Variants in UQCC6 observed in about 807,000 individuals in gnomAD.
UQCC6 encodes ubiquinol-cytochrome c reductase complex assembly factor 6.
the UQCC6 span, chr12:103,954,892 C>G: frequency 1.4e-6 from 1 of 697,346 alleles, no homozygotes. Context: ...AAAGCTTGGG[C>G]TTCAGATCCT....
chr12:103,962,056 C>T, the UQCC6 span, among the ~76,000 whole-genome samples: 1 of 152,258 alleles, frequency 6.6e-6, no homozygotes, highest in Non-Finnish European at 1.5e-5. Context: ...AACATTGTCA[C>T]AATGAAAAAA....
At chr12:103,952,394 T>C in the UQCC6 span, among the ~76,000 whole-genome samples, 12 of 152,372 alleles carry the variant, frequency 7.9e-5, no homozygotes, top group African/African-American at 2.2e-4. Flanking sequence ...TAATGCTCCA[T>C]TGTATGGATA....
At chr12:103,953,018 G>T in the UQCC6 span, among the ~76,000 whole-genome samples, 1 of 152,168 alleles carries the variant, frequency 6.6e-6, no homozygotes, top group East Asian at 1.9e-4. Flanking sequence ...AAGGGAGTGG[G>T]GAGATAAAGT....
At chr12:103,953,401 C>T in the UQCC6 span, 1 of 702,108 alleles carries the variant, frequency 1.4e-6, no homozygotes, top group African/African-American at 1.7e-5. Flanking sequence ...CTGAGCTGGA[C>T]AACTAAAAGC....
chr12:103,964,903 T>C, the UQCC6 span, among the ~76,000 whole-genome samples: 1 of 152,230 alleles, frequency 6.6e-6, no homozygotes, highest in Admixed American at 6.5e-5. Context: ...AATCTTTCTG[T>C]ATTTACTCAC....
the UQCC6 span, among the ~76,000 whole-genome samples, chr12:103,959,123 C>T: frequency 6.6e-6 from 1 of 152,200 alleles, no homozygotes; most frequent in Non-Finnish European, 1.5e-5. Context: ...CTCTGCCATA[C>T]AAATGAAATC....
the UQCC6 span, among the ~76,000 whole-genome samples, chr12:103,963,666 C>A: frequency 6.6e-6 from 1 of 152,140 alleles, no homozygotes; most frequent in East Asian, 1.9e-4. Flanking sequence ...AGAAATCTTG[C>A]GTCTTTTGTC....
chr12:103,959,684 C>G, the UQCC6 span, among the ~76,000 whole-genome samples: 111 of 151,746 alleles, frequency 7.3e-4, 3 homozygotes, highest in South Asian at 0.023. Context: ...TGTACTCCAG[C>G]CTGGGTGACA....
the UQCC6 span, among the ~76,000 whole-genome samples, chr12:103,960,285 G>A: frequency 7.2e-5 from 11 of 151,946 alleles, no homozygotes; most frequent in Non-Finnish European, 5.9e-5. Context: ...GTTGGCCAGG[G>A]TGGTCTCAGA....
At chr12:103,956,898 G>C in the UQCC6 span, 4 of 590,380 alleles carry the variant, frequency 6.8e-6, no homozygotes, top group South Asian at 4.1e-5. Context: ...CCCACGCCTC[G>C]GTTTCCTCCT....
the UQCC6 span, chr12:103,956,391 A>G: frequency 2.5e-6 from 1 of 401,406 alleles, no homozygotes; most frequent in East Asian, 4.2e-5. Flanking sequence ...CAGCGGCCAG[A>G]CTGTGTAAGA....
the UQCC6 span, chr12:103,951,638 A>AC: frequency 2.0e-6 from 3 of 1,489,572 alleles, no homozygotes; most frequent in African/African-American, 2.8e-5. Flanking sequence ...TGTCTGCAAA[A>AC]AAAACAAAAC....
the UQCC6 span, among the ~76,000 whole-genome samples, chr12:103,963,246 G>GTA: frequency 6.6e-6 from 1 of 151,932 alleles, no homozygotes; most frequent in African/African-American, 2.4e-5. Context: ...GCTAATTTTT[G>GTA]TAGTTTTTTA....
chr12:103,963,862 C>A, the UQCC6 span, among the ~76,000 whole-genome samples: 4 of 152,186 alleles, frequency 2.6e-5, no homozygotes, highest in South Asian at 8.3e-4. Flanking sequence ...TCTACATAAA[C>A]CAGCACCAGA....
At chr12:103,963,640 TTTCACTTTTTATGA>T in the UQCC6 span, among the ~76,000 whole-genome samples, 1 of 152,216 alleles carries the variant, frequency 6.6e-6, no homozygotes, top group Non-Finnish European at 1.5e-5. Flanking sequence ...CAGCAATGCT[TTTCACTTTTTATGA>T]TAGAAATCTT....
At chr12:103,953,305 T>G in the UQCC6 span, 1 of 699,532 alleles carries the variant, frequency 1.4e-6, no homozygotes, top group Admixed American at 2.0e-5. Context: ...TCTGCTCATA[T>G]GTACAGTATG....
the UQCC6 span, chr12:103,951,334 T>C: frequency 1.9e-5 from 9 of 469,536 alleles, no homozygotes; most frequent in Admixed American, 3.8e-5. Context: ...TTTGATGATA[T>C]GTGCTTTGGC....
the UQCC6 span, chr12:103,956,448 A>G: frequency 1.8e-6 from 1 of 560,296 alleles, no homozygotes; most frequent in South Asian, 2.2e-5. Context: ...TGCCATCCAA[A>G]GGTTTTGGGC....
the UQCC6 span, chr12:103,951,392 G>T: frequency 2.0e-6 from 1 of 508,190 alleles, no homozygotes; most frequent in Non-Finnish European, 3.5e-6. Context: ...TCAACGTATC[G>T]GCTAAACATC....
Sources: gnomAD v4.1 joint callset for allele counts (sites outside exome capture counted in the v4.1 genomes callset) on GRCh38, gnomAD v4.1.1 for gene constraint, MANE v1.5 for transcripts, NCBI Gene and HGNC (gene_info 2026-07-23, HGNC 2026-07-21) for gene names.